The following SGO1 variants were observed in gnomAD, a reference collection of about 807,000 sequenced individuals.
SGO1 encodes serologically defined breast cancer antigen NY-BR-85.
Under a neutral mutation model 50.5 loss-of-function variants are expected in SGO1, and 39 were observed. That is an observed-to-expected ratio of 0.77 (90% CI 0.60 to 1.01). The LOEUF (loss-of-function observed/expected upper bound fraction) is 1.01, where lower values mean the gene tolerates loss of function less well. SGO1 is among the 50% of genes least tolerant of loss of function. The pLI is 0.00. For synonymous variants in SGO1, 191 were observed against 205.1 expected (o/e 0.93, Z 0.59); for missense variants, 638 against 606.0 (o/e 1.05, Z -0.55).
intron 5 of SGO1, 108 bp from the exon 6 acceptor site, chr3:20,175,163 T>A: frequency 8.9e-7 from 1 of 1,128,220 alleles, no homozygotes; most frequent in Non-Finnish European, 1.2e-6. Flanking sequence ...AAGGTCATTC[T>A]GTAGTTTTCC....
chr3:20,186,847 A>G (rs530209644), upstream of SGO1, among the ~76,000 whole-genome samples: 38 of 152,172 alleles, frequency 2.5e-4, no homozygotes, highest in African/African-American at 6.7e-4. Flanking sequence ...CGGTCACACG[A>G]TCTTCTCAAC....
At chr3:20,168,923 T>G, downstream of SGO1, 1 of 985,104 alleles carries the variant, frequency 1.0e-6, no homozygotes, top group Non-Finnish European at 1.2e-6. Context: ...GTTAGTAGTT[T>G]CTCGTGCCTG....
intron 5 of SGO1, among the ~76,000 whole-genome samples, chr3:20,176,341 A>G (rs1019998533): frequency 2.0e-5 from 3 of 152,212 alleles, no homozygotes; most frequent in African/African-American, 7.2e-5. Flanking sequence ...AATGCCTAAC[A>G]TAGAGCTTGA....
intron 4 of SGO1, chr3:20,177,367 A>C (rs1701514731): frequency 6.6e-6 from 1 of 152,244 alleles, no homozygotes; most frequent in South Asian, 2.1e-4. Flanking sequence ...AAAACTACTA[A>C]TGATTAAAAG....
downstream of SGO1, among the ~76,000 whole-genome samples, chr3:20,165,082 T>G (rs1412651141): frequency 2.0e-5 from 3 of 152,224 alleles, no homozygotes; most frequent in Non-Finnish European, 4.4e-5. Context: ...GAAAAAATGT[T>G]TATTTGGCTT....
At chr3:20,186,841 C>A (rs958619805), upstream of SGO1, among the ~76,000 whole-genome samples, 6 of 152,152 alleles carry the variant, frequency 3.9e-5, no homozygotes, top group Non-Finnish European at 7.4e-5. Flanking sequence ...TCCAGTCGGT[C>A]ACACGATCTT....
rs1419520104 is a variant in SGO1, at chr3:20,183,885, C to G, written c.142+1G>C. 10 of 1,605,326 alleles carry G rather than the reference C, an allele frequency of 6.2e-6. No homozygotes were observed. The highest frequency in any genetic ancestry group is 8.5e-6 in the Non-Finnish European group (10 of 1,177,986). On this transcript the variant is annotated splice_donor_variant, in intron 2 of 7. Coordinates refer to ENST00000412997, the MANE Select transcript of SGO1 (RefSeq NM_001199251.3). LOFTEE classifies it high-confidence loss of function. ...AAAAGGACAACATAAAAATCTCTTACTGATTATTTGGCATGGTGCAGCTAT... is the reference window on the plus strand; with the variant it reads ...AAAAGGACAACATAAAAATCTCTTAGTGATTATTTGGCATGGTGCAGCTAT...
downstream of SGO1, among the ~76,000 whole-genome samples, chr3:20,168,644 GTT>G (rs1313336484): frequency 8.5e-5 from 11 of 129,440 alleles, no homozygotes; most frequent in African/African-American, 5.6e-5. Context: ...CTGAGAAACT[GTT>G]TTTTTTTTTT....
chr3:20,180,198 G>A (rs1036405479), intron 3 of SGO1, among the ~76,000 whole-genome samples: 7 of 151,972 alleles, frequency 4.6e-5, no homozygotes, highest in Non-Finnish European at 1.0e-4. Context: ...GAGGTGGGAG[G>A]ATCACTTGAG....
chr3:20,174,636 T>C lies in SGO1; in HGVS notation c.895A>G (p.Asn299Asp). Residue 299 changes from asparagine to aspartate, a missense_variant, in exon 6 of 8, where the codon AAC becomes GAC. Physicochemically the swap from Asn to Asp is conservative, Grantham distance 23. Coordinates refer to ENST00000412997, the MANE Select transcript of SGO1 (RefSeq NM_001199251.3). ...GACATACGTTTTGATTTTCTCCTGT[T>C]AGCTTTTCTTTTCTCTTCTCTTTTT... The part of the protein sequence containing the change: ...ERKREEKRKA[N>D]RRKSKRMSKY... 1 of 1,602,810 alleles carries C rather than the reference T, an allele frequency of 6.2e-7. No individual in the cohort carries two copies. Among genetic ancestry groups the C allele is most frequent in the Middle Eastern group, 1.7e-4 (1 of 6,012 alleles).
Position 20,170,458 on chromosome 3 carries a change from C to G in SGO1, c.*246G>C. 3.8e-6 allele frequency: 4 copies of G among 1,058,062 alleles called. No homozygotes were observed. Among genetic ancestry groups the G allele is most frequent in the Non-Finnish European group, 4.6e-6 (4 of 878,538 alleles). 65.5% of individuals were successfully genotyped at this position (1,058,062 alleles called of 1,614,324 possible). On this transcript the variant is annotated 3_prime_UTR_variant, in exon 8 of 8. Transcript: ENST00000412997. ...AAGAGGTTTAGGCAGCATAAGAAATCGATATGATGATAATGCTTAAGCTCA... is the reference window on the plus strand; with the variant it reads ...AAGAGGTTTAGGCAGCATAAGAAATGGATATGATGATAATGCTTAAGCTCA...
intron 4 of SGO1, 107 bp from the exon 5 acceptor site, chr3:20,176,766 T>A (rs139369135): frequency 1.4e-6 from 1 of 722,806 alleles, no homozygotes; most frequent in African/African-American, 1.8e-5. Context: ...CATTTCATAA[T>A]TCGATTTCAA....
chr3:20,166,282 C>T (rs1011797259), downstream of SGO1, among the ~76,000 whole-genome samples: 3 of 152,064 alleles, frequency 2.0e-5, no homozygotes, highest in Non-Finnish European at 4.4e-5. Context: ...AAAACTAAAA[C>T]ACAACAACAA....
chr3:20,171,364 G>T, intron 6 of SGO1, 132 bp from the exon 7 acceptor site: 1 of 678,558 alleles, frequency 1.5e-6, no homozygotes, highest in Non-Finnish European at 2.3e-6. Context: ...TTTTAGATGG[G>T]CTCTCACTGT....
At chr3:20,166,534 C>G (rs1230168385), downstream of SGO1, among the ~76,000 whole-genome samples, 2 of 151,880 alleles carry the variant, frequency 1.3e-5, no homozygotes, top group Non-Finnish European at 2.9e-5. Context: ...CAGTCAAATT[C>G]ATAGAGATAG....
intron 6 of SGO1, 122 bp from the exon 7 acceptor site, chr3:20,171,354 T>C (rs1482136344): frequency 2.5e-6 from 2 of 784,932 alleles, no homozygotes; most frequent in Non-Finnish European, 3.8e-6. Context: ...TAGAATTTTT[T>C]TTTAGATGGG....
In SGO1 at chr3:20,183,772, C is replaced by G. The variant is rs1446148154; in HGVS notation, c.175G>C (p.Asp59His). ...NTSTLLKNYQ[D>H]NNKMLVLALE... The stretch of plus-strand genomic sequence containing the variant: ...GCTAAAACTAACATTTTGTTGTTGT[C>G]TTGGTAATTTTTCAGCAGTGTAGAA... The change falls in exon 3 of 8, where the codon GAC becomes CAC. Residue 59 changes from aspartate (D) to histidine (H), a missense_variant. By Grantham distance (81) the Asp-to-His change is moderately conservative. Transcript: ENST00000412997. 1 of 1,611,454 alleles carries G rather than the reference C, an allele frequency of 6.2e-7. No homozygotes were observed.
In SGO1 at chr3:20,178,163, A is replaced by T. The variant is rs962889775; in HGVS notation, c.416+108T>A. 22 of 780,832 alleles carry T rather than the reference A, an allele frequency of 2.8e-5. No individual in the cohort carries two copies. In the African/African-American group the frequency reaches 3.6e-4, roughly 13 times the overall value. The allele number at this position is 780,832 out of a possible 1,614,324, so 48.4% of individuals were successfully genotyped here. A position where few individuals can be genotyped will look rare whatever the true frequency, so the allele number is the denominator to read the frequency against. On this transcript the variant is annotated intron_variant, in intron 4 of 7. Transcript: ENST00000412997. ...ATATATTCTCAGTAGAGAAAGCAAC[A>T]GACTACAAATATAAGAGTTGACATG...
At chr3:20,182,683 T>G (rs894932504) in intron 3 of SGO1, among the ~76,000 whole-genome samples, 5 of 152,160 alleles carry the variant, frequency 3.3e-5, no homozygotes, top group Non-Finnish European at 7.4e-5. Flanking sequence ...AGGACCATAT[T>G]TGAACACCTT....
Sources: allele counts gnomAD v4.1 joint callset (sites outside exome capture counted in the v4.1 genomes callset), GRCh38; gene constraint gnomAD v4.1.1; transcripts MANE v1.5; gene names NCBI Gene and HGNC (gene_info 2026-07-23, HGNC 2026-07-21).